ANXA4: variants seen among roughly 807,000 people sequenced by gnomAD.
The protein encoded by ANXA4 is annexin A4.
Under a neutral mutation model 49.8 loss-of-function variants are expected in ANXA4, and 39 were observed. That is an observed-to-expected ratio of 0.78 (90% CI 0.61 to 1.02). The LOEUF is 1.02. Among genes scored for constraint, ANXA4 ranks in the 50% least tolerant of loss-of-function variants. ANXA4 has a pLI of 0.00. For synonymous variants in ANXA4, 134 were observed against 152.5 expected (o/e 0.88, Z 0.89); for missense variants, 360 against 410.1 (o/e 0.88, Z 1.05).
intron 2 of ANXA4, among the ~76,000 whole-genome samples, chr2:69,787,392 G>A (rs1272902675): frequency 1.3e-5 from 2 of 151,888 alleles, no homozygotes; most frequent in African/African-American, 2.4e-5. Context: ...CAATTTATTT[G>A]TCGAAGAAAC....
chr2:69,817,825 G>A (rs1327759965), intron 9 of ANXA4: 1 of 152,248 alleles, frequency 6.6e-6, no homozygotes, highest in Non-Finnish European at 1.5e-5. Context: ...TAAAGATGAT[G>A]CAGTGCTTTT....
intron 3 of ANXA4, among the ~76,000 whole-genome samples, chr2:69,802,450 C>T (rs1298723429): frequency 5.9e-5 from 9 of 152,156 alleles, no homozygotes; most frequent in African/African-American, 9.7e-5. Flanking sequence ...CAGTGGCTCA[C>T]GCCTGTAATC....
chr2:69,759,951 G>T (rs1218141010), intron 1 of ANXA4, among the ~76,000 whole-genome samples: 1 of 152,202 alleles, frequency 6.6e-6, no homozygotes, highest in East Asian at 1.9e-4. Flanking sequence ...TCCTGCCTCA[G>T]CCTCCCGAGT....
chr2:69,812,647 C>A lies in ANXA4; in HGVS notation c.478-6C>A, dbSNP rs1259165277. 6.2e-7 allele frequency: 1 copy of A among 1,612,810 alleles called. No homozygotes were observed. Among genetic ancestry groups the A allele is most frequent in the East Asian group, 2.2e-5 (1 of 44,856 alleles). On this transcript the variant is annotated splice_polypyrimidine_tract_variant and splice_region_variant and intron_variant, in intron 7 of 12. Coordinates refer to ENST00000394295, the MANE Select transcript of ANXA4 (RefSeq NM_001153.5). Reference sequence around the variant, plus strand: ...ATTATTTTTTATTTGTTTTTCTCATCCTCAGGGTGGGAGGGATGAAGGAAA... The same window carrying A: ...ATTATTTTTTATTTGTTTTTCTCATACTCAGGGTGGGAGGGATGAAGGAAA...
At chr2:69,729,846 C>A (rs1420788662) in intron 3 of ANXA4, among the ~76,000 whole-genome samples, 1 of 152,320 alleles carries the variant, frequency 6.6e-6, no homozygotes, top group Middle Eastern at 3.4e-3. Context: ...AGATAATTCT[C>A]CATGGCTTCT....
intron 3 of ANXA4, among the ~76,000 whole-genome samples, chr2:69,729,896 T>C (rs1173775282): frequency 3.3e-5 from 5 of 152,366 alleles, no homozygotes; most frequent in South Asian, 4.1e-4. Context: ...CATTGACAGT[T>C]TGATTCACAG....
At chr2:69,711,571 C>T (rs552410921) in intron 2 of ANXA4, among the ~76,000 whole-genome samples, 2 of 152,304 alleles carry the variant, frequency 1.3e-5, no homozygotes, top group South Asian at 2.1e-4. Flanking sequence ...AAATGTTCTA[C>T]ACCTTGATCG....
intron 1 of ANXA4, among the ~76,000 whole-genome samples, chr2:69,780,476 G>T (rs1298665828): frequency 6.6e-6 from 1 of 152,188 alleles, no homozygotes; most frequent in African/African-American, 2.4e-5. Flanking sequence ...GATTACAGGC[G>T]TGAGCCACCA....
At chr2:69,686,416 CT>C (rs1294421720) in intron 2 of ANXA4, among the ~76,000 whole-genome samples, 1 of 151,906 alleles carries the variant, frequency 6.6e-6, no homozygotes, top group African/African-American at 2.4e-5. Context: ...AACTCTTGAC[CT>C]CGTGATCTGC....
chr2:69,715,171 C>T (rs921930418), intron 2 of ANXA4, among the ~76,000 whole-genome samples: 5 of 152,048 alleles, frequency 3.3e-5, no homozygotes, highest in African/African-American at 1.2e-4. Flanking sequence ...TAAAATAAGG[C>T]CCTGCCTCAA....
chr2:69,758,311 C>G (rs144614662), intron 1 of ANXA4, among the ~76,000 whole-genome samples: 2 of 152,278 alleles, frequency 1.3e-5, no homozygotes, highest in African/African-American at 4.8e-5. Flanking sequence ...CCGTACCTGA[C>G]CCCTACTACT....
At chr2:69,667,572 T>A (rs1422048333) in intron 2 of ANXA4, among the ~76,000 whole-genome samples, 1 of 152,182 alleles carries the variant, frequency 6.6e-6, no homozygotes, top group Non-Finnish European at 1.5e-5. Flanking sequence ...GGACAGGATA[T>A]CCTGTGATGT....
At chr2:69,726,155 C>G (rs1328594192) in intron 3 of ANXA4, among the ~76,000 whole-genome samples, 1 of 152,098 alleles carries the variant, frequency 6.6e-6, no homozygotes, top group Non-Finnish European at 1.5e-5. Context: ...GGGCGGTTTC[C>G]CCCGTGATGT....
chr2:69,781,294 G>A (rs1478751927), intron 1 of ANXA4: 1 of 574,778 alleles, frequency 1.7e-6, no homozygotes, highest in African/African-American at 1.9e-5. Flanking sequence ...CCAAACAGAA[G>A]AACAGGTGGG....
intron 1 of ANXA4, among the ~76,000 whole-genome samples, chr2:69,766,225 C>T (rs953446525): frequency 6.6e-6 from 1 of 152,142 alleles, no homozygotes; most frequent in African/African-American, 2.4e-5. Flanking sequence ...GGTAACCCCA[C>T]CTTAAACAGC....
intron 2 of ANXA4, among the ~76,000 whole-genome samples, chr2:69,662,327 C>T (rs2704446): frequency 2.3e-4 from 35 of 151,660 alleles, no homozygotes; most frequent in African/African-American, 6.6e-4. Flanking sequence ...ACAAGCCTTC[C>T]TATGCACGCT....
intron 1 of ANXA4, among the ~76,000 whole-genome samples, chr2:69,779,076 C>G (rs1672086997): frequency 8.0e-6 from 1 of 124,884 alleles, no homozygotes. Flanking sequence ...CCGCTGCACT[C>G]TAGCCTGGGC....
chr2:69,647,053 C>A (rs115563373), intron 1 of ANXA4, among the ~76,000 whole-genome samples: 1,656 of 152,320 alleles, frequency 0.011, 28 homozygotes, highest in African/African-American at 0.038. Context: ...ATGTAACATG[C>A]ATGTTTGCTC....
At chr2:69,702,832 T>C (rs1422856833) in intron 2 of ANXA4, among the ~76,000 whole-genome samples, 1 of 152,208 alleles carries the variant, frequency 6.6e-6, no homozygotes, top group African/African-American at 2.4e-5. Context: ...TATAATCATA[T>C]GTATGTGGTT....
Sources: gnomAD v4.1 joint callset for allele counts (sites outside exome capture counted in the v4.1 genomes callset) on GRCh38, gnomAD v4.1.1 for gene constraint, MANE v1.5 for transcripts, NCBI Gene and HGNC (gene_info 2026-07-23, HGNC 2026-07-21) for gene names.